Variants in NRXN1 observed in about 807,000 individuals in gnomAD.
NRXN1 encodes neurexin 1.
Under a neutral mutation model 150.9 loss-of-function variants are expected in NRXN1, and 39 were observed. That is an observed-to-expected ratio of 0.26 (90% CI 0.20 to 0.34). The LOEUF (loss-of-function observed/expected upper bound fraction) is 0.34. Among genes scored for constraint, NRXN1 ranks in the 10% least tolerant of loss-of-function variants. NRXN1 has a pLI of 1.00. For synonymous variants in NRXN1, 924 were observed against 757.0 expected (o/e 1.22, Z -3.62); for missense variants, 1,815 against 1,949.9 (o/e 0.93, Z 1.30).
At chr2:50,638,560 T>A (rs1268137585) in intron 5 of NRXN1, among the ~76,000 whole-genome samples, 3 of 152,310 alleles carry the variant, frequency 2.0e-5, no homozygotes, top group Non-Finnish European at 2.9e-5. Context: ...TATGTAGTTA[T>A]AATTCACAAT....
intron 5 of NRXN1, among the ~76,000 whole-genome samples, chr2:50,788,923 G>A (rs886493313): frequency 2.6e-5 from 4 of 152,126 alleles, no homozygotes; most frequent in Middle Eastern, 3.2e-3. Flanking sequence ...GTGCTACCTC[G>A]TGTAACTCCT....
chr2:50,818,556 A>G (rs1669258275), intron 5 of NRXN1, among the ~76,000 whole-genome samples: 1 of 152,062 alleles, frequency 6.6e-6, no homozygotes, highest in Non-Finnish European at 1.5e-5. Flanking sequence ...TAAACATAAG[A>G]CCTGCAACTG....
chr2:50,080,996 G>C (rs535063704), intron 19 of NRXN1, among the ~76,000 whole-genome samples: 1 of 152,222 alleles, frequency 6.6e-6, no homozygotes, highest in East Asian at 1.9e-4. Context: ...TGGGCCTAAG[G>C]ATGCAACCCT....
chr2:50,252,370 TG>T (rs1305494470), intron 17 of NRXN1, among the ~76,000 whole-genome samples: 1 of 150,452 alleles, frequency 6.6e-6, no homozygotes, highest in African/African-American at 2.4e-5. Flanking sequence ...GTGATTCTCC[TG>T]CCTCAGCCTC....
intron 5 of NRXN1, among the ~76,000 whole-genome samples, chr2:50,897,230 T>A (rs111809385): frequency 0.021 from 3,153 of 152,332 alleles, 53 homozygotes; most frequent in Non-Finnish European, 0.034. Context: ...AAGTACCACG[T>A]AGGACTGGTT....
At chr2:50,985,474 G>T (rs572039196) in intron 2 of NRXN1, 1 of 151,784 alleles carries the variant, frequency 6.6e-6, no homozygotes, top group Admixed American at 6.6e-5. Context: ...TCTGAATCTA[G>T]AATGTTTTAC....
At chr2:50,295,825 T>G (rs7605803) in intron 17 of NRXN1, among the ~76,000 whole-genome samples, 34,051 of 152,066 alleles carry the variant, frequency 0.22, 4,296 homozygotes, top group East Asian at 0.41. Flanking sequence ...ACTTCACAAA[T>G]AACTGGGAAA....
intron 5 of NRXN1, among the ~76,000 whole-genome samples, chr2:50,730,561 C>T (rs183042165): frequency 6.6e-6 from 1 of 152,174 alleles, no homozygotes; most frequent in Non-Finnish European, 1.5e-5. Flanking sequence ...AGACTCCCTA[C>T]ATCTCTCAGA....
intron 17 of NRXN1, among the ~76,000 whole-genome samples, chr2:50,378,287 T>G (rs547388668): frequency 1.3e-5 from 2 of 152,300 alleles, no homozygotes; most frequent in East Asian, 3.9e-4. Context: ...TGATATTCAT[T>G]GACTATTCAG....
chr2:50,893,047 T>C (rs760286872), intron 5 of NRXN1, among the ~76,000 whole-genome samples: 7 of 152,124 alleles, frequency 4.6e-5, no homozygotes, highest in Non-Finnish European at 1.5e-5. Flanking sequence ...CTCCAGAGCT[T>C]TCCAGAGAGG....
intron 17 of NRXN1, among the ~76,000 whole-genome samples, chr2:50,251,845 T>G (rs1234677137): frequency 6.6e-6 from 1 of 152,228 alleles, no homozygotes; most frequent in African/African-American, 2.4e-5. Flanking sequence ...GACAAATGTC[T>G]GTTAATGCCC....
intron 18 of NRXN1, among the ~76,000 whole-genome samples, chr2:50,200,999 A>C (rs2062120402): frequency 6.6e-6 from 1 of 152,144 alleles, no homozygotes; most frequent in East Asian, 1.9e-4. Context: ...CTATTTCATT[A>C]GGTCTTCTTT....
intron 17 of NRXN1, among the ~76,000 whole-genome samples, chr2:50,288,746 T>C (rs1282517649): frequency 6.6e-6 from 1 of 152,154 alleles, no homozygotes; most frequent in East Asian, 1.9e-4. Context: ...CATGATTCAA[T>C]CACCTCCCAC....
chr2:49,975,154 A>G (rs1678732306), intron 21 of NRXN1, among the ~76,000 whole-genome samples: 1 of 151,320 alleles, frequency 6.6e-6, no homozygotes, highest in African/African-American at 2.4e-5. Flanking sequence ...CTGACAGGGT[A>G]GGCTATAAGT....
At chr2:50,620,884 T>C in intron 7 of NRXN1, 1 of 278,848 alleles carries the variant, frequency 3.6e-6, no homozygotes, top group South Asian at 1.5e-4. Context: ...CAAGTTTCCA[T>C]GCCATGCATC....
At chr2:50,152,373 A>G (rs2058746273) in intron 18 of NRXN1, among the ~76,000 whole-genome samples, 1 of 151,754 alleles carries the variant, frequency 6.6e-6, no homozygotes, top group Non-Finnish European at 1.5e-5. Context: ...CATATGTCAG[A>G]ATTTCTTTCC....
At chr2:50,477,239 T>C (rs72878377) in intron 15 of NRXN1, among the ~76,000 whole-genome samples, 2,659 of 152,212 alleles carry the variant, frequency 0.017, 68 homozygotes, top group African/African-American at 0.059. Context: ...ATAGAACTTA[T>C]GACTGCTGGC....
chr2:50,300,298 C>A (rs1369377607), intron 17 of NRXN1, among the ~76,000 whole-genome samples: 1 of 152,136 alleles, frequency 6.6e-6, no homozygotes, highest in African/African-American at 2.4e-5. Flanking sequence ...TAGTTACAAA[C>A]AATGGTTTGA....
chr2:50,662,035 C>T (rs1028240164), intron 5 of NRXN1, among the ~76,000 whole-genome samples: 1 of 152,050 alleles, frequency 6.6e-6, no homozygotes, highest in Non-Finnish European at 1.5e-5. Context: ...TTACAATGTA[C>T]ATAGCATATA....
Sources: allele counts gnomAD v4.1 joint callset (sites outside exome capture counted in the v4.1 genomes callset), GRCh38; gene constraint gnomAD v4.1.1; transcripts MANE v1.5; gene names NCBI Gene and HGNC (gene_info 2026-07-23, HGNC 2026-07-21).